The following DEUP1 variants were observed in gnomAD, a reference collection of about 807,000 sequenced individuals.
The protein encoded by DEUP1 is deuterosome assembly protein 1.
DEUP1 carries 82 observed loss-of-function variants against 87.4 expected under a neutral mutation model. The observed-to-expected ratio is 0.94, with a 90% CI of 0.78 to 1.13. DEUP1 has a LOEUF of 1.13. Among genes scored for constraint, DEUP1 ranks in the 50% most tolerant of loss-of-function variants. The probability of loss-of-function intolerance (pLI) is 0.00; values close to 1 mark genes in which losing one functional copy is unlikely to be tolerated. For missense variants in DEUP1, 663 were observed against 681.5 expected (o/e 0.97, Z 0.30); for synonymous variants, 214 against 222.7 (o/e 0.96, Z 0.35).
rs372168707 is a variant in DEUP1, at chr11:93,408,278, T to C, written c.1374T>C (p.Asn458=). ...NREQSRHTSI[N]KLQYENERLR... Reference sequence around the variant, plus strand: ...AACAGTCAAGGCATACATCTATTAATAAACTGCAATATGAGAATGAAAGGC... The same window carrying C: ...AACAGTCAAGGCATACATCTATTAACAAACTGCAATATGAGAATGAAAGGC... The change falls in exon 12 of 14, where the codon AAT becomes AAC. Residue 458 remains asparagine (N), a synonymous_variant. Transcript: ENST00000298050. 6.3e-7 allele frequency: 1 copy of C among 1,585,082 alleles called. No individual in the cohort carries two copies. The highest frequency in any genetic ancestry group is 8.6e-7 in the Non-Finnish European group (1 of 1,164,300).
intron 7 of DEUP1, among the ~76,000 whole-genome samples, chr11:93,372,941 CTG>C (rs1359360199): frequency 6.6e-6 from 1 of 152,218 alleles, no homozygotes; most frequent in Non-Finnish European, 1.5e-5. Flanking sequence ...ACTGTCTGAG[CTG>C]TGTTTGCATG....
chr11:93,394,754 G>C, intron 10 of DEUP1, 98 bp downstream of exon 10: 1 of 809,418 alleles, frequency 1.2e-6, no homozygotes, highest in Non-Finnish European at 1.8e-6. Context: ...TACATTTCTT[G>C]GTATTATTTC....
intron 7 of DEUP1, among the ~76,000 whole-genome samples, chr11:93,382,666 A>G (rs565438695): frequency 3.2e-4 from 48 of 152,286 alleles, no homozygotes; most frequent in Admixed American, 8.5e-4. Context: ...ACTTTTCTAC[A>G]TGCAACTTCA....
chr11:93,436,287 T>C (rs1948247068), intron 13 of DEUP1, among the ~76,000 whole-genome samples: 1 of 152,196 alleles, frequency 6.6e-6, no homozygotes, highest in South Asian at 2.1e-4. Context: ...ATATATGATG[T>C]TCCATGTGAT....
chr11:93,373,879 G>A (rs1191034070), intron 7 of DEUP1, among the ~76,000 whole-genome samples: 2 of 151,876 alleles, frequency 1.3e-5, no homozygotes, highest in East Asian at 3.9e-4. Flanking sequence ...GTTTTCCTTA[G>A]TGGTTATACT....
intron 2 of DEUP1, among the ~76,000 whole-genome samples, chr11:93,351,693 T>G (rs946628589): frequency 6.6e-6 from 1 of 152,180 alleles, no homozygotes; most frequent in Non-Finnish European, 1.5e-5. Context: ...TTATTTTAGG[T>G]TTTAAGTAAA....
chr11:93,374,677 CTA>C (rs1945942104), intron 7 of DEUP1, among the ~76,000 whole-genome samples: 1 of 152,124 alleles, frequency 6.6e-6, no homozygotes, highest in South Asian at 2.1e-4. Flanking sequence ...GTTTTGGTGA[CTA>C]TAGCATTATA....
At chr11:93,399,452 C>A (rs1423405185) in intron 11 of DEUP1, among the ~76,000 whole-genome samples, 1 of 151,622 alleles carries the variant, frequency 6.6e-6, no homozygotes, top group Non-Finnish European at 1.5e-5. Flanking sequence ...CTTTCCATTT[C>A]TTCATATTTT....
chr11:93,341,158 C>T (rs1159424495), intron 2 of DEUP1, among the ~76,000 whole-genome samples: 2 of 152,042 alleles, frequency 1.3e-5, no homozygotes, highest in South Asian at 2.1e-4. Flanking sequence ...TGGCTCACGC[C>T]TGTAATCCCA....
chr11:93,379,057 C>T (rs1027924657), intron 7 of DEUP1, among the ~76,000 whole-genome samples: 1 of 152,056 alleles, frequency 6.6e-6, no homozygotes, highest in African/African-American at 2.4e-5. Flanking sequence ...ACTAGTAGGC[C>T]CAGTTATCAA....
chr11:93,371,205 A>C lies in DEUP1; in HGVS notation c.714A>C (p.Ala238=), dbSNP rs1286713008. The C allele has an allele frequency of 6.2e-7, 1 of 1,613,214 alleles. No homozygotes were observed. The highest frequency in any genetic ancestry group is 8.5e-7 in the Non-Finnish European group (1 of 1,179,486). Residue 238 remains alanine (A), a synonymous_variant, in exon 7 of 14, where the codon GCA becomes GCC. Coordinates refer to ENST00000298050, the MANE Select transcript of DEUP1 (RefSeq NM_181645.4). ...TGAAATCAGCTGTAAATGAGATAGC[A>C]CTAAGCAGGAATAAATTACAAGATG... ...EKLKSAVNEI[A]LSRNKLQDEN... is the part of the protein sequence containing the mutation.
chr11:93,360,741 A>T (rs1591134298), intron 4 of DEUP1, among the ~76,000 whole-genome samples: 1 of 152,080 alleles, frequency 6.6e-6, no homozygotes, highest in Non-Finnish European at 1.5e-5. Context: ...ATCCAATCTG[A>T]ACAACAGAGA....
intron 4 of DEUP1, among the ~76,000 whole-genome samples, chr11:93,360,788 G>C (rs116973299): frequency 3.3e-5 from 5 of 150,438 alleles, no homozygotes; most frequent in South Asian, 4.2e-4. Flanking sequence ...GGGACATGTA[G>C]TATGATAACA....
chr11:93,412,652 G>C (rs1173284712), intron 12 of DEUP1, among the ~76,000 whole-genome samples: 1 of 152,076 alleles, frequency 6.6e-6, no homozygotes, highest in Non-Finnish European at 1.5e-5. Context: ...ATAATACTTT[G>C]CCTGAAATCT....
intron 2 of DEUP1, among the ~76,000 whole-genome samples, chr11:93,340,392 G>A (rs142963875): frequency 3.6e-4 from 55 of 151,942 alleles, no homozygotes; most frequent in Middle Eastern, 6.8e-3. Flanking sequence ...TTAGAGAGGA[G>A]GAAGCAAGGG....
At chr11:93,437,433 TTAAGA>T in intron 13 of DEUP1, 105 bp from the exon 14 acceptor site, 1 of 761,380 alleles carries the variant, frequency 1.3e-6, no homozygotes, top group Non-Finnish European at 2.1e-6. Context: ...TATTCTTTCA[TTAAGA>T]GCTGCGGTGT....
At chr11:93,332,617 T>A (rs1329184356) in intron 2 of DEUP1, among the ~76,000 whole-genome samples, 1 of 152,220 alleles carries the variant, frequency 6.6e-6, no homozygotes, top group East Asian at 1.9e-4. Flanking sequence ...GCTCCTTTTT[T>A]GCCGCATTGA....
At chr11:93,395,564 T>C (rs1368712916) in intron 10 of DEUP1, among the ~76,000 whole-genome samples, 2 of 152,166 alleles carry the variant, frequency 1.3e-5, no homozygotes, top group Admixed American at 1.3e-4. Context: ...ATCTGGCTAG[T>C]TGGATTATGA....
At chr11:93,414,499 T>A (rs1947545107) in intron 12 of DEUP1, among the ~76,000 whole-genome samples, 1 of 152,178 alleles carries the variant, frequency 6.6e-6, no homozygotes, top group South Asian at 2.1e-4. Context: ...AGAGCAAGGC[T>A]CTGTCTCAAA....
Sources: gnomAD v4.1 joint callset for allele counts (sites outside exome capture counted in the v4.1 genomes callset) on GRCh38, gnomAD v4.1.1 for gene constraint, MANE v1.5 for transcripts, NCBI Gene and HGNC (gene_info 2026-07-23, HGNC 2026-07-21) for gene names.